COL6A6: variants seen among roughly 807,000 people sequenced by gnomAD.
COL6A6 encodes collagen type VI alpha 6 chain.
COL6A6 carries 183 observed loss-of-function variants against 208.6 expected under a neutral mutation model. The observed-to-expected ratio is 0.88, with a 90% confidence interval of 0.78 to 0.99. The LOEUF is 0.99. Ranked by LOEUF, COL6A6 falls within the 50% of genes least tolerant of loss-of-function variation. The pLI, the probability that COL6A6 is intolerant of heterozygous loss-of-function variation, is 0.00. For missense variants in COL6A6, 2,816 were observed against 2,815.2 expected (o/e 1.00, Z -0.01); for synonymous variants, 973 against 1,011.8 (o/e 0.96, Z 0.73).
chr3:130,592,984 T>A (rs2063756186), intron 15 of COL6A6, 77 bp from the exon 16 acceptor site: 7 of 1,327,084 alleles, frequency 5.3e-6, no homozygotes, highest in Non-Finnish European at 7.5e-6. Flanking sequence ...AACACAAAAA[T>A]AGAGTTTTTG....
In COL6A6 at chr3:130,529,287, TAAA is replaced by T. The variant is rs563804664; in HGVS notation, c.-32+11907_-32+11909del. Among the ~76,000 whole-genome samples the T allele has an allele frequency of 5.5e-3, 539 of 98,504 alleles. 1 individual carries two copies. The highest frequency in any genetic ancestry group is 0.015 in the African/African-American group (490 of 31,634). 64.6% of individuals were successfully genotyped at this position (98,504 alleles called of 152,430 possible). The stretch of plus-strand genomic sequence containing the variant: ...ATGTACAAAAACACAGCAGGAAATG[TAAA>T]AAAAAAAAAAAAAAAAGCAGGAAGT... On this transcript the variant is annotated intron_variant, in intron 1 of 36. Coordinates refer to ENST00000358511, the MANE Select transcript of COL6A6 (RefSeq NM_001102608.3).
chr3:130,582,119 C>G, intron 10 of COL6A6, 51 bp downstream of exon 10: 1 of 1,150,230 alleles, frequency 8.7e-7, no homozygotes, highest in Non-Finnish European at 1.2e-6. Flanking sequence ...TTTATAATCT[C>G]AGAACTAAAT....
chr3:130,647,464 TAA>T, intron 32 of COL6A6, among the ~76,000 whole-genome samples: 1 of 152,332 alleles, frequency 6.6e-6, no homozygotes, highest in South Asian at 2.1e-4. Flanking sequence ...TTTTAAACGA[TAA>T]AAGTGACACG....
rs754810960 is a variant in COL6A6, at chr3:130,574,071, T to C, written c.3093T>C (p.Asp1031=). 41 of 1,613,894 alleles carry C rather than the reference T, an allele frequency of 2.5e-5. No homozygotes were observed. The highest frequency in any genetic ancestry group is 3.2e-5 in the Non-Finnish European group (38 of 1,179,896). ...EFLASVVQDF[D]VSLNRVRIGA... ...TGGCATCTGTTGTTCAAGACTTTGA[T>C]GTCAGCCTCAACAGAGTGCGAATAG... Residue 1031 remains aspartate, a synonymous_variant, in exon 8 of 37, where the codon GAT becomes GAC. Coordinates refer to ENST00000358511, the MANE Select transcript of COL6A6 (RefSeq NM_001102608.3).
chr3:130,547,358 G>A (rs112548930), intron 1 of COL6A6, among the ~76,000 whole-genome samples: 1,882 of 152,366 alleles, frequency 0.012, 32 homozygotes, highest in African/African-American at 0.043. Context: ...CTCCAAGTGC[G>A]GGGGCCCGCT....
chr3:130,641,993 A>C (rs888097968), intron 29 of COL6A6, among the ~76,000 whole-genome samples: 16 of 152,226 alleles, frequency 1.1e-4, no homozygotes, highest in African/African-American at 3.9e-4. Context: ...GTATCTGTTC[A>C]ATCTTTCTAT....
intron 25 of COL6A6, among the ~76,000 whole-genome samples, chr3:130,627,043 GTTCAT>G (rs1392679067): frequency 6.6e-6 from 1 of 151,982 alleles, no homozygotes; most frequent in African/African-American, 2.4e-5. Context: ...CTGATTTTTT[GTTCAT>G]TTAATCCTCA....
At chr3:130,601,573 G>A (rs1331553802) in intron 20 of COL6A6, among the ~76,000 whole-genome samples, 2 of 152,154 alleles carry the variant, frequency 1.3e-5, no homozygotes, top group Non-Finnish European at 2.9e-5. Context: ...ATGTAAGGAT[G>A]TACTTTCACT....
At chr3:130,543,992 T>C (rs1489572785) in intron 1 of COL6A6, among the ~76,000 whole-genome samples, 2 of 152,200 alleles carry the variant, frequency 1.3e-5, no homozygotes, top group Non-Finnish European at 2.9e-5. Context: ...AATAAATTAA[T>C]ATATCATTCA....
chr3:130,529,015 G>A (rs533678053), intron 1 of COL6A6, among the ~76,000 whole-genome samples: 3 of 152,158 alleles, frequency 2.0e-5, no homozygotes, highest in East Asian at 1.9e-4. Context: ...GCGTGAACCC[G>A]GGAGCTGGAG....
In COL6A6 at chr3:130,615,907, A is replaced by G. The variant is rs560710589; in HGVS notation, c.4815+5196A>G. ...TAATCTTGCTTTGGCAAGATTGGTC[A>G]TGGCCATAAATCTTTCAGCCTCTTG... On this transcript the variant is annotated intron_variant, in intron 23 of 36. Coordinates refer to ENST00000358511, the MANE Select transcript of COL6A6 (RefSeq NM_001102608.3). Among the ~76,000 whole-genome samples, 3 of 152,290 alleles carry G rather than the reference A, an allele frequency of 2.0e-5. No homozygotes were observed. The East Asian group carries it at 5.8e-4, about 29-fold the overall frequency.
At chr3:130,592,824 T>C in intron 15 of COL6A6, 102 bp downstream of exon 15, 1 of 1,173,692 alleles carries the variant, frequency 8.5e-7, no homozygotes, top group Non-Finnish European at 1.2e-6. Flanking sequence ...AAGTTGTCAT[T>C]GACTTTCCTT....
At position 130,583,918 on chromosome 3, in the gene COL6A6, C is replaced by T. The variant is rs191750751; in HGVS notation, c.3970+1850C>T. On this transcript the variant is annotated intron_variant, in intron 10 of 36. Transcript: ENST00000358511. ...TAGGAAAGCTTCCTTAATTTCAGGC[C>T]GGGCATCAATATGTGTAAAGTATGC... Among the ~76,000 whole-genome samples, 129 of 152,154 alleles carry T rather than the reference C, an allele frequency of 8.5e-4. 1 individual carries two copies. In the Middle Eastern group the frequency reaches 0.01, roughly 12 times the overall value.
intron 23 of COL6A6, among the ~76,000 whole-genome samples, chr3:130,620,977 G>A (rs1419937158): frequency 6.6e-6 from 1 of 152,162 alleles, no homozygotes; most frequent in East Asian, 1.9e-4. Context: ...CTGATTCCAA[G>A]TGTTAATAAC....
In COL6A6 at chr3:130,604,419, C is replaced by T. The variant is rs1207713429; in HGVS notation, c.4654-2512C>T. Among the ~76,000 whole-genome samples, 8 of 150,288 alleles carry T rather than the reference C, an allele frequency of 5.3e-5. No homozygotes were observed. In the East Asian group the frequency reaches 9.9e-4, roughly 19 times the overall value. ...CTGAGGCAGGAGAATGGCGTGAACC[C>T]GGGAAGCGGAGCTTGCAGTGAGCCG... On this transcript the variant is annotated intron_variant, in intron 20 of 36. Transcript: ENST00000358511.
At chr3:130,616,062 G>T (rs1448194394) in intron 23 of COL6A6, among the ~76,000 whole-genome samples, 3 of 152,130 alleles carry the variant, frequency 2.0e-5, no homozygotes, top group Non-Finnish European at 4.4e-5. Context: ...CAGTGAAAAT[G>T]CTATTTCAAA....
At chr3:130,617,058 C>A (rs1300809665) in intron 23 of COL6A6, among the ~76,000 whole-genome samples, 1 of 152,130 alleles carries the variant, frequency 6.6e-6, no homozygotes, top group Admixed American at 6.6e-5. Flanking sequence ...GAATGCAGGT[C>A]ACCATTCCAA....
intron 1 of COL6A6, among the ~76,000 whole-genome samples, chr3:130,544,235 ATAAG>A (rs2107765861): frequency 6.6e-6 from 1 of 152,368 alleles, no homozygotes; most frequent in African/African-American, 2.4e-5. Context: ...GATTCCACAT[ATAAG>A]TAAGATCATA....
chr3:130,617,969 C>A (rs886829860), intron 23 of COL6A6, among the ~76,000 whole-genome samples: 2 of 152,176 alleles, frequency 1.3e-5, no homozygotes, highest in African/African-American at 4.8e-5. Context: ...CCTATCCTTG[C>A]TTAACACTAA....
Sources: allele counts gnomAD v4.1 joint callset (sites outside exome capture counted in the v4.1 genomes callset), GRCh38; gene constraint gnomAD v4.1.1; transcripts MANE v1.5; gene names NCBI Gene and HGNC (gene_info 2026-07-23, HGNC 2026-07-21).